KCND2: variants seen among roughly 807,000 people sequenced by gnomAD.
KCND2 encodes A-type voltage-gated potassium channel KCND2.
In KCND2, 16 loss-of-function variants were observed where a neutral mutation model predicts 54.4. The ratio of observed to expected loss-of-function variants is 0.29; its 90% CI spans 0.20 to 0.45. KCND2 has a LOEUF of 0.45. Ranked by LOEUF, KCND2 falls within the 20% of genes least tolerant of loss-of-function variation. KCND2 has a pLI of 1.00. For synonymous variants in KCND2, 317 were observed against 310.7 expected (o/e 1.02, Z -0.21); for missense variants, 486 against 824.2 (o/e 0.59, Z 5.02).
intron 1 of KCND2, among the ~76,000 whole-genome samples, chr7:120,650,311 A>T (rs1186454358): frequency 7.0e-6 from 1 of 142,230 alleles, no homozygotes; most frequent in Non-Finnish European, 1.5e-5. Flanking sequence ...GGCTTTGTTC[A>T]TTTCTTTTTA....
At chr7:120,499,036 C>A (rs1320669765) in intron 1 of KCND2, among the ~76,000 whole-genome samples, 1 of 151,926 alleles carries the variant, frequency 6.6e-6, no homozygotes, top group Non-Finnish European at 1.5e-5. Flanking sequence ...CATAAGAAAT[C>A]TTTGATTTGA....
At chr7:120,510,241 A>C (rs756756834) in intron 1 of KCND2, among the ~76,000 whole-genome samples, 1 of 152,134 alleles carries the variant, frequency 6.6e-6, no homozygotes, top group Non-Finnish European at 1.5e-5. Flanking sequence ...AGCACTCTGC[A>C]TACATTAAAG....
At chr7:120,654,849 T>C (rs568327541) in intron 1 of KCND2, among the ~76,000 whole-genome samples, 1 of 152,108 alleles carries the variant, frequency 6.6e-6, no homozygotes, top group East Asian at 1.9e-4. Context: ...CACACATACA[T>C]TCATATGGAT....
intron 1 of KCND2, among the ~76,000 whole-genome samples, chr7:120,617,580 C>T (rs1197474883): frequency 1.3e-5 from 2 of 152,134 alleles, no homozygotes; most frequent in Non-Finnish European, 2.9e-5. Flanking sequence ...AAGCAGTTCT[C>T]TTTGGAGATT....
intron 1 of KCND2, among the ~76,000 whole-genome samples, chr7:120,490,694 G>A (rs1431768108): frequency 6.6e-6 from 1 of 152,050 alleles, no homozygotes; most frequent in Non-Finnish European, 1.5e-5. Flanking sequence ...TGTGGCTCTA[G>A]TCAGTACCTT....
At chr7:120,647,641 T>G (rs571208088) in intron 1 of KCND2, among the ~76,000 whole-genome samples, 80 of 152,358 alleles carry the variant, frequency 5.3e-4, no homozygotes, top group African/African-American at 1.9e-3. Flanking sequence ...TATTTTCATT[T>G]GCATGAATGG....
At chr7:120,390,150 A>C (rs1484385613) in intron 1 of KCND2, among the ~76,000 whole-genome samples, 1 of 151,954 alleles carries the variant, frequency 6.6e-6, no homozygotes, top group Non-Finnish European at 1.5e-5. Context: ...TAATGGAAAC[A>C]TGAAAATAAA....
intron 1 of KCND2, among the ~76,000 whole-genome samples, chr7:120,469,449 T>C (rs1452638456): frequency 6.6e-6 from 1 of 152,056 alleles, no homozygotes; most frequent in African/African-American, 2.4e-5. Flanking sequence ...TGTGTGTTCA[T>C]TCTTAGCTCC....
intron 1 of KCND2, among the ~76,000 whole-genome samples, chr7:120,485,170 G>A (rs1802675936): frequency 6.6e-6 from 1 of 152,178 alleles, no homozygotes; most frequent in Non-Finnish European, 1.5e-5. Context: ...TTATAGGCAT[G>A]AGTGACTGCA....
At chr7:120,365,229 G>A (rs967329539) in intron 1 of KCND2, among the ~76,000 whole-genome samples, 7 of 146,238 alleles carry the variant, frequency 4.8e-5, no homozygotes, top group Admixed American at 2.7e-4. Flanking sequence ...GAGGGAGGGA[G>A]GGAGGCAGGG....
At chr7:120,327,123 G>T (rs992965502) in intron 1 of KCND2, among the ~76,000 whole-genome samples, 1 of 151,980 alleles carries the variant, frequency 6.6e-6, no homozygotes, top group East Asian at 1.9e-4. Context: ...TTAACTTTAG[G>T]ATCAACAAGA....
chr7:120,315,774 GTGTGTGTGTGT>G (rs1799804011), intron 1 of KCND2, among the ~76,000 whole-genome samples: 1 of 7,726 alleles, frequency 1.3e-4, no homozygotes, highest in Non-Finnish European at 5.7e-4. Flanking sequence ...CAGTGTGTGT[GTGTGTGTGTGT>G]GTGTGTGTGT....
intron 1 of KCND2, among the ~76,000 whole-genome samples, chr7:120,353,158 T>TC (rs57049283): frequency 1.4e-5 from 2 of 147,658 alleles, no homozygotes; most frequent in East Asian, 3.9e-4. Flanking sequence ...TTTTTTTTTT[T>TC]AGGCAAACTA....
At chr7:120,351,817 T>A (rs1041785923) in intron 1 of KCND2, among the ~76,000 whole-genome samples, 2 of 151,916 alleles carry the variant, frequency 1.3e-5, no homozygotes, top group East Asian at 3.9e-4. Flanking sequence ...TTTCTTTCTT[T>A]TTTTTTCTTT....
intron 1 of KCND2, among the ~76,000 whole-genome samples, chr7:120,607,585 C>A (rs942070872): frequency 6.6e-6 from 1 of 152,146 alleles, no homozygotes; most frequent in South Asian, 2.1e-4. Flanking sequence ...CACTGTGATA[C>A]CCTTTTAGGT....
intron 1 of KCND2, 41 bp from the exon 2 acceptor site, chr7:120,732,862 G>C: frequency 6.5e-7 from 1 of 1,546,376 alleles, no homozygotes; most frequent in Non-Finnish European, 8.9e-7. Flanking sequence ...ATGTCTTTCT[G>C]TGACTTAAAA....
intron 1 of KCND2, among the ~76,000 whole-genome samples, chr7:120,545,518 A>C (rs1792032029): frequency 6.6e-6 from 1 of 151,928 alleles, no homozygotes; most frequent in Admixed American, 6.6e-5. Context: ...GATGAAATAG[A>C]TCCCAGGTCA....
chr7:120,546,317 C>T (rs1414971762), intron 1 of KCND2, among the ~76,000 whole-genome samples: 3 of 151,858 alleles, frequency 2.0e-5, no homozygotes, highest in Admixed American at 1.3e-4. Context: ...GGAACATCAG[C>T]GTAATGCTGT....
In KCND2 at chr7:120,273,278, C is replaced by T. The variant is rs1341519751; in HGVS notation, c.-1355C>T. Among the ~76,000 whole-genome samples the T allele has an allele frequency of 6.2e-4, 94 of 151,732 alleles. 1 individual carries two copies. The highest frequency in any genetic ancestry group is 1.8e-4 in the Non-Finnish European group (12 of 67,746). ...CGGGGAGCCCGGGGAGATGCAGGACCACCCACTGGCGGGGAAGCAGCTAGC... is the reference window on the plus strand; with the variant it reads ...CGGGGAGCCCGGGGAGATGCAGGACTACCCACTGGCGGGGAAGCAGCTAGC... On this transcript the variant is annotated 5_prime_UTR_variant, in exon 1 of 6. Coordinates refer to ENST00000331113, the MANE Select transcript of KCND2 (RefSeq NM_012281.3).
Sources: gnomAD v4.1 joint callset for allele counts (sites outside exome capture counted in the v4.1 genomes callset) on GRCh38, gnomAD v4.1.1 for gene constraint, MANE v1.5 for transcripts, NCBI Gene and HGNC (gene_info 2026-07-23, HGNC 2026-07-21) for gene names.